The following UMAD1 variants were observed in gnomAD, a reference collection of about 807,000 sequenced individuals.
The protein encoded by UMAD1 is UBAP1-MVB12-associated (UMA) domain containing 1, also known as UBAP1-MVB12-associated (UMA)-domain containing protein 1.
Under a neutral mutation model 6.1 loss-of-function variants are expected in UMAD1, and 8 were observed. The ratio of observed to expected loss-of-function variants is 1.30; its 90% CI spans 0.76 to 2.35. The LOEUF is 2.35. Ranked by LOEUF, UMAD1 falls within the 30% of genes most tolerant of loss-of-function variation. The probability of loss-of-function intolerance (pLI) is 0.00; values close to 1 mark genes in which losing one functional copy is unlikely to be tolerated. For missense variants in UMAD1, 130 were observed against 78.4 expected (o/e 1.66, Z -2.49); for synonymous variants, 56 against 31.4 (o/e 1.78, Z -2.61).
chr7:7,775,271 G>A (rs996348822), intron 2 of UMAD1, among the ~76,000 whole-genome samples: 2 of 152,198 alleles, frequency 1.3e-5, no homozygotes, highest in African/African-American at 4.8e-5. Context: ...GTTTGGCTGT[G>A]TCTCTACCCA....
In UMAD1 at chr7:7,766,285, T is replaced by C. The variant is rs117097712; in HGVS notation, c.83-35385T>C. On this transcript the variant is annotated intron_variant, in intron 2 of 3. Coordinates refer to ENST00000682710, the MANE Select transcript of UMAD1 (RefSeq NM_001302348.2). Reference sequence around the variant, plus strand: ...ATTCCAGGCATGCCCAATGACATGCTATTTATTACTTCTTTTTGCAGATCC... The same window carrying C: ...ATTCCAGGCATGCCCAATGACATGCCATTTATTACTTCTTTTTGCAGATCC... Among the ~76,000 whole-genome samples, 716 of 152,358 alleles carry C rather than the reference T, an allele frequency of 4.7e-3. 7 individuals are homozygous for C. The highest frequency in any genetic ancestry group is 0.027 in the South Asian group (130 of 4,832).
intron 2 of UMAD1, among the ~76,000 whole-genome samples, chr7:7,798,236 C>G (rs1227318536): frequency 6.6e-6 from 1 of 152,172 alleles, no homozygotes; most frequent in Non-Finnish European, 1.5e-5. Flanking sequence ...AATTTGCCAA[C>G]CCCTCGTCTA....
At chr7:7,819,268 A>C (rs1489596817) in intron 3 of UMAD1, among the ~76,000 whole-genome samples, 1 of 152,196 alleles carries the variant, frequency 6.6e-6, no homozygotes, top group Non-Finnish European at 1.5e-5. Flanking sequence ...GTAAATGACA[A>C]GCATCTGAAG....
intron 2 of UMAD1, among the ~76,000 whole-genome samples, chr7:7,761,989 G>T (rs910784901): frequency 4.6e-5 from 7 of 152,078 alleles, no homozygotes; most frequent in African/African-American, 1.7e-4. Context: ...GAATTGCATT[G>T]CTTTTGAAAG....
At chr7:7,738,552 A>G (rs1233479771) in intron 2 of UMAD1, 1 of 152,228 alleles carries the variant, frequency 6.6e-6, no homozygotes, top group African/African-American at 2.4e-5. Context: ...AATGAACTTT[A>G]TTTGTCCTTG....
intron 2 of UMAD1, among the ~76,000 whole-genome samples, chr7:7,759,217 T>C (rs1781838666): frequency 6.6e-6 from 1 of 152,242 alleles, no homozygotes; most frequent in Admixed American, 6.5e-5. Context: ...GTGTATGTAG[T>C]GTTAGAAACT....
At chr7:7,771,830 G>A (rs11769054) in intron 2 of UMAD1, among the ~76,000 whole-genome samples, 52,651 of 151,860 alleles carry the variant, frequency 0.35, 9,893 homozygotes, top group Non-Finnish European at 0.42. Flanking sequence ...GCTGTGCAAG[G>A]TTACCCATAG....
At chr7:7,766,342 G>A (rs745353904) in intron 2 of UMAD1, among the ~76,000 whole-genome samples, 8 of 152,110 alleles carry the variant, frequency 5.3e-5, no homozygotes, top group Non-Finnish European at 1.0e-4. Context: ...AACTTCTACT[G>A]TTTAAAATTG....
At position 7,754,141 on chromosome 7, in the gene UMAD1, C is replaced by T. The variant is rs190190184; in HGVS notation, c.83-47529C>T. On this transcript the variant is annotated intron_variant, in intron 2 of 3. Transcript: ENST00000682710. ...CGGAGGTTGCAGTGAGCCAAGATTGCGCCATTGCACTCCAGCCTGGGTGAC... is the reference window on the plus strand; with the variant it reads ...CGGAGGTTGCAGTGAGCCAAGATTGTGCCATTGCACTCCAGCCTGGGTGAC... Among the ~76,000 whole-genome samples, 6 of 152,028 alleles carry T rather than the reference C, an allele frequency of 3.9e-5. No individual in the cohort carries two copies. The East Asian group carries it at 9.7e-4, about 25-fold the overall frequency.
chr7:7,692,334 T>C (rs1263591271), intron 2 of UMAD1: 2 of 152,142 alleles, frequency 1.3e-5, no homozygotes, highest in African/African-American at 4.8e-5. Flanking sequence ...AACTTTTTTC[T>C]TGTACTCCTG....
intron 3 of UMAD1, among the ~76,000 whole-genome samples, chr7:7,848,961 A>T (rs892456956): frequency 2.0e-5 from 3 of 152,060 alleles, no homozygotes; most frequent in African/African-American, 7.2e-5. Context: ...TTATTGTTCT[A>T]CCTGTTATGT....
chr7:7,854,711 T>C lies in UMAD1; in HGVS notation c.157-22570T>C, dbSNP rs184799486. Among the ~76,000 whole-genome samples, 1,202 of 152,314 alleles carry C rather than the reference T, an allele frequency of 7.9e-3. 8 individuals carry two copies. Among genetic ancestry groups the C allele is most frequent in the Non-Finnish European group, 0.012 (833 of 68,020 alleles). On this transcript the variant is annotated intron_variant, in intron 3 of 3. Transcript: ENST00000682710. Reference sequence around the variant, plus strand: ...CACCCCTGGCCGCTCCCAGATCTCATGTCCTCACATTTCAAAACACAATCA... The same window carrying C: ...CACCCCTGGCCGCTCCCAGATCTCACGTCCTCACATTTCAAAACACAATCA...
intron 3 of UMAD1, among the ~76,000 whole-genome samples, chr7:7,838,380 C>T (rs1043372973): frequency 3.3e-5 from 5 of 152,016 alleles, no homozygotes; most frequent in African/African-American, 7.2e-5. Context: ...TGACCATACA[C>T]GTATGGAAGA....
At chr7:7,781,630 G>T (rs565634143) in intron 2 of UMAD1, among the ~76,000 whole-genome samples, 1 of 151,942 alleles carries the variant, frequency 6.6e-6, no homozygotes, top group African/African-American at 2.4e-5. Context: ...AATTTTATTT[G>T]TGAATATTTT....
chr7:7,654,861 C>T (rs1350030594), intron 1 of UMAD1, among the ~76,000 whole-genome samples: 2 of 151,394 alleles, frequency 1.3e-5, no homozygotes, highest in African/African-American at 4.9e-5. Flanking sequence ...CAAGATTGTG[C>T]CCCTGTAACC....
chr7:7,751,593 G>T (rs182746357), intron 2 of UMAD1, among the ~76,000 whole-genome samples: 1 of 152,240 alleles, frequency 6.6e-6, no homozygotes, highest in African/African-American at 2.4e-5. Context: ...TGTATATGAG[G>T]GTGGAGGGAC....
At chr7:7,820,502 T>C (rs1382800823) in intron 3 of UMAD1, among the ~76,000 whole-genome samples, 1 of 152,220 alleles carries the variant, frequency 6.6e-6, no homozygotes, top group East Asian at 1.9e-4. Flanking sequence ...ATTATGTCTT[T>C]TAAATTTTGA....
intron 2 of UMAD1, among the ~76,000 whole-genome samples, chr7:7,751,727 G>C (rs1028322449): frequency 3.3e-5 from 5 of 152,114 alleles, no homozygotes; most frequent in Admixed American, 6.6e-5. Flanking sequence ...AATTTACTGG[G>C]ATTTAGGTTT....
At chr7:7,660,881 T>C (rs1785458196) in intron 1 of UMAD1, among the ~76,000 whole-genome samples, 1 of 152,222 alleles carries the variant, frequency 6.6e-6, no homozygotes, top group Non-Finnish European at 1.5e-5. Flanking sequence ...TCCTGGATAA[T>C]ATCCTGAAGA....
Sources: gnomAD v4.1 joint callset for allele counts (sites outside exome capture counted in the v4.1 genomes callset) on GRCh38, gnomAD v4.1.1 for gene constraint, MANE v1.5 for transcripts, NCBI Gene and HGNC (gene_info 2026-07-23, HGNC 2026-07-21) for gene names.